NRXN1: variants seen among roughly 807,000 people sequenced by gnomAD.
NRXN1 encodes neurexin 1.
Under a neutral mutation model 150.9 loss-of-function variants are expected in NRXN1, and 39 were observed. That is an observed-to-expected ratio of 0.26 (90% CI 0.20 to 0.34). The LOEUF (loss-of-function observed/expected upper bound fraction) is 0.34. NRXN1 is among the 10% of genes least tolerant of loss of function. The pLI, the probability that NRXN1 is intolerant of heterozygous loss-of-function variation, is 1.00. For synonymous variants in NRXN1, 924 were observed against 757.0 expected, an observed-to-expected ratio of 1.22 and a Z score of -3.62; for missense variants, 1,815 against 1,949.9, an observed-to-expected ratio of 0.93 and a Z score of 1.30.
chr2:50,788,274 G>C (rs578223089), intron 5 of NRXN1, among the ~76,000 whole-genome samples: 2 of 151,964 alleles, frequency 1.3e-5, no homozygotes, highest in East Asian at 1.9e-4. Context: ...ATTTTTAGTA[G>C]AGATGGGGTT....
At chr2:50,882,623 G>T (rs1218185682) in intron 5 of NRXN1, among the ~76,000 whole-genome samples, 1 of 151,686 alleles carries the variant, frequency 6.6e-6, no homozygotes. Context: ...AGTTAAAGAC[G>T]AACCCACAGG....
At chr2:50,953,222 A>T (rs1386420339) in intron 2 of NRXN1, among the ~76,000 whole-genome samples, 1 of 152,200 alleles carries the variant, frequency 6.6e-6, no homozygotes, top group Admixed American at 6.5e-5. Flanking sequence ...GCCATTTATT[A>T]TTGTAACCTT....
intron 12 of NRXN1, chr2:50,506,887 A>T (rs1423905393): frequency 2.6e-6 from 1 of 385,700 alleles, no homozygotes; most frequent in Non-Finnish European, 4.8e-6. Context: ...CTTTAATCCT[A>T]CGCATTGATC....
chr2:50,562,045 G>A (rs979611628), intron 8 of NRXN1, among the ~76,000 whole-genome samples: 2 of 152,144 alleles, frequency 1.3e-5, no homozygotes, highest in South Asian at 2.1e-4. Context: ...TGGGGGAAAA[G>A]TAGCACTATT....
At position 50,609,651 on chromosome 2, in the gene NRXN1, A is replaced by G. The variant is rs575726023; in HGVS notation, c.1320+10371T>C. On this transcript the variant is annotated intron_variant, in intron 8 of 22. Transcript: ENST00000401669. ...TTGGAATCTGGGAGTGTCTGATTCT[A>G]AAGCCATTCATCTTAACTAATTTAA... Among the ~76,000 whole-genome samples, 4 of 152,254 alleles carry G rather than the reference A, an allele frequency of 2.6e-5. 1 individual carries two copies. Among genetic ancestry groups the G allele is most frequent in the African/African-American group, 7.2e-5 (3 of 41,564 alleles).
At chr2:50,815,888 TG>T (rs1668860367) in intron 5 of NRXN1, among the ~76,000 whole-genome samples, 1 of 152,172 alleles carries the variant, frequency 6.6e-6, no homozygotes, top group African/African-American at 2.4e-5. Flanking sequence ...AAGTGTATCC[TG>T]AAAAATGCTA....
In NRXN1 at chr2:50,676,892, T is replaced by C. The variant is rs974810442; in HGVS notation, c.833-53277A>G. Among the ~76,000 whole-genome samples, 6 of 152,156 alleles carry C rather than the reference T, an allele frequency of 3.9e-5. No homozygotes were observed. In the South Asian group the frequency reaches 6.2e-4, roughly 16 times the overall value. On this transcript the variant is annotated intron_variant, in intron 5 of 22. Coordinates refer to ENST00000401669, the MANE Select transcript of NRXN1 (RefSeq NM_001330078.2). ...TTATTTTAAAATTACACATAAAACA[T>C]TGATTAATCATTTGATGGCAGGTGC...
intron 17 of NRXN1, among the ~76,000 whole-genome samples, chr2:50,276,169 G>C (rs918060647): frequency 2.6e-5 from 4 of 151,980 alleles, no homozygotes; most frequent in Admixed American, 1.3e-4. Context: ...TGCTTCTTTT[G>C]ATTCTAAGGG....
chr2:50,691,309 A>G (rs1360393113), intron 5 of NRXN1, among the ~76,000 whole-genome samples: 1 of 152,188 alleles, frequency 6.6e-6, no homozygotes. Context: ...TAGTACTTGA[A>G]AAACCGTTAA....
chr2:50,223,178 A>G lies in NRXN1; in HGVS notation c.3546+13611T>C, dbSNP rs190685341. 4.0e-4 allele frequency among the ~76,000 whole-genome samples: 61 copies of G among 152,058 alleles called. No individual in the cohort carries two copies. In the East Asian group the frequency reaches 0.011, roughly 29 times the overall value. ...ATGTCTGGATGCTTAGAAGAATACCAAAAAATTAGTAAGTTAAAAAAAAAG... is the reference window on the plus strand; with the variant it reads ...ATGTCTGGATGCTTAGAAGAATACCGAAAAATTAGTAAGTTAAAAAAAAAG... On this transcript the variant is annotated intron_variant, in intron 18 of 22. Transcript: ENST00000401669.
At chr2:50,532,977 G>A (rs2093158585) in intron 10 of NRXN1, among the ~76,000 whole-genome samples, 1 of 152,166 alleles carries the variant, frequency 6.6e-6, no homozygotes, top group Non-Finnish European at 1.5e-5. Context: ...TACTTACACA[G>A]CATAGCAATT....
intron 17 of NRXN1, among the ~76,000 whole-genome samples, chr2:50,300,571 C>T (rs946376680): frequency 4.6e-5 from 7 of 152,182 alleles, no homozygotes; most frequent in Admixed American, 4.6e-4. Context: ...TTCAGTCTCC[C>T]TTGCAGCTAA....
intron 17 of NRXN1, among the ~76,000 whole-genome samples, chr2:50,381,342 G>A (rs954083551): frequency 3.9e-5 from 6 of 151,974 alleles, no homozygotes; most frequent in Non-Finnish European, 7.4e-5. Flanking sequence ...TGTGAACAAA[G>A]GAATGGGTGG....
chr2:50,052,661 G>C (rs1692907318), intron 21 of NRXN1, among the ~76,000 whole-genome samples: 2 of 152,078 alleles, frequency 1.3e-5, no homozygotes, highest in Non-Finnish European at 2.9e-5. Flanking sequence ...GTTAATTGTA[G>C]GTGAGGGCAA....
chr2:50,307,688 T>C (rs1432864700), intron 17 of NRXN1, among the ~76,000 whole-genome samples: 1 of 152,184 alleles, frequency 6.6e-6, no homozygotes, highest in African/African-American at 2.4e-5. Context: ...ATCAAGTGAC[T>C]ATTTTCATGA....
intron 5 of NRXN1, among the ~76,000 whole-genome samples, chr2:50,697,953 A>G (rs1410473436): frequency 2.0e-5 from 3 of 152,122 alleles, no homozygotes; most frequent in Admixed American, 1.3e-4. Context: ...CACTGCCTTG[A>G]GCCAATTTCG....
chr2:50,192,829 CA>C (rs2061532945), intron 18 of NRXN1, among the ~76,000 whole-genome samples: 1 of 152,190 alleles, frequency 6.6e-6, no homozygotes, highest in Non-Finnish European at 1.5e-5. Context: ...AGACTGGTCT[CA>C]AAATCTTGGC....
chr2:50,745,367 C>T (rs983305268), intron 5 of NRXN1, among the ~76,000 whole-genome samples: 1 of 139,638 alleles, frequency 7.2e-6, no homozygotes, highest in South Asian at 2.6e-4. Flanking sequence ...CTAATAAGTG[C>T]CTCCCCTCCC....
In NRXN1 at chr2:50,801,984, T is replaced by C. The variant is rs1184471262; in HGVS notation, c.832+119885A>G. ...TATCACTATTATATCATCACCTACCTACCATAAGAATGCTAAAAATTGTCC... is the reference window on the plus strand; with the variant it reads ...TATCACTATTATATCATCACCTACCCACCATAAGAATGCTAAAAATTGTCC... On this transcript the variant is annotated intron_variant, in intron 5 of 22. Coordinates refer to ENST00000401669, the MANE Select transcript of NRXN1 (RefSeq NM_001330078.2). 2.0e-5 allele frequency among the ~76,000 whole-genome samples: 3 copies of C among 152,290 alleles called. No individual in the cohort carries two copies. The East Asian group carries it at 5.8e-4, about 29-fold the overall frequency.
Sources: allele counts gnomAD v4.1 joint callset (sites outside exome capture counted in the v4.1 genomes callset), GRCh38; gene constraint gnomAD v4.1.1; transcripts MANE v1.5; gene names NCBI Gene and HGNC (gene_info 2026-07-23, HGNC 2026-07-21).